The following KAT6B variants were observed in gnomAD, a reference collection of about 807,000 sequenced individuals.
KAT6B encodes lysine acetyltransferase 6B.
A neutral mutation model predicts 187.5 loss-of-function variants in KAT6B; 10 were observed. The ratio of observed to expected loss-of-function variants is 0.05; its 90% CI spans 0.03 to 0.09. The LOEUF (loss-of-function observed/expected upper bound fraction) is 0.09. Among genes scored for constraint, KAT6B ranks in the 10% least tolerant of loss-of-function variants. KAT6B has a pLI of 1.00. For synonymous variants in KAT6B, 861 were observed against 926.8 expected, an observed-to-expected ratio of 0.93 and a Z score of 1.29; for missense variants, 1,952 against 2,558.9, an observed-to-expected ratio of 0.76 and a Z score of 5.12.
At chr10:74,927,274 A>G (rs565696746) in intron 3 of KAT6B, among the ~76,000 whole-genome samples, 4 of 152,040 alleles carry the variant, frequency 2.6e-5, no homozygotes, top group Non-Finnish European at 5.9e-5. Flanking sequence ...TAGGAGTCAT[A>G]TCTTTTGACT....
At chr10:74,943,648 C>T (rs533570935) in intron 3 of KAT6B, among the ~76,000 whole-genome samples, 2 of 151,992 alleles carry the variant, frequency 1.3e-5, no homozygotes, top group East Asian at 3.9e-4. Context: ...CAAAAATATA[C>T]TAAAAATGGT....
chr10:74,829,437 A>G (rs1404779088), intron 1 of KAT6B, among the ~76,000 whole-genome samples: 1 of 151,850 alleles, frequency 6.6e-6, no homozygotes, highest in Non-Finnish European at 1.5e-5. Flanking sequence ...CTACATTTGT[A>G]CTGAGAGAAA....
At chr10:74,828,191 G>A (rs1441030310) in intron 1 of KAT6B, among the ~76,000 whole-genome samples, 1 of 152,172 alleles carries the variant, frequency 6.6e-6, no homozygotes, top group Non-Finnish European at 1.5e-5. Flanking sequence ...AGGAGTTTAA[G>A]CCCTGTAATT....
chr10:74,914,121 C>A (rs1847461414), intron 3 of KAT6B, among the ~76,000 whole-genome samples: 2 of 151,230 alleles, frequency 1.3e-5, no homozygotes, highest in African/African-American at 4.9e-5. Flanking sequence ...AGGAGGCAGA[C>A]ATTGCAGTGG....
chr10:74,844,431 T>C (rs1431430545), intron 3 of KAT6B, among the ~76,000 whole-genome samples: 1 of 152,206 alleles, frequency 6.6e-6, no homozygotes, highest in Non-Finnish European at 1.5e-5. Flanking sequence ...ACTCCTGACT[T>C]CAGGTGATCC....
At chr10:74,918,112 G>A (rs969174223) in intron 3 of KAT6B, among the ~76,000 whole-genome samples, 9 of 151,888 alleles carry the variant, frequency 5.9e-5, no homozygotes, top group African/African-American at 2.2e-4. Flanking sequence ...CTGTACTTTT[G>A]GAAAGAAAAA....
intron 2 of KAT6B, among the ~76,000 whole-genome samples, chr10:74,839,646 G>A (rs537064794): frequency 6.6e-6 from 1 of 152,192 alleles, no homozygotes. Flanking sequence ...GTTGTATTTT[G>A]TGCAATCAAA....
At chr10:74,874,455 C>T (rs891284114) in intron 3 of KAT6B, among the ~76,000 whole-genome samples, 1 of 152,124 alleles carries the variant, frequency 6.6e-6, no homozygotes, top group African/African-American at 2.4e-5. Context: ...TCTCGGCACA[C>T]TGCAACCTCT....
chr10:74,957,933 G>T (rs1156696595), intron 3 of KAT6B, among the ~76,000 whole-genome samples: 2 of 152,142 alleles, frequency 1.3e-5, no homozygotes, highest in African/African-American at 4.8e-5. Flanking sequence ...GTCTCTTTTC[G>T]TTTTTCTAGT....
At chr10:74,902,960 T>C (rs1846504193) in intron 3 of KAT6B, among the ~76,000 whole-genome samples, 1 of 152,224 alleles carries the variant, frequency 6.6e-6, no homozygotes. Flanking sequence ...TTTATGAAAC[T>C]TGATTTCTGT....
At chr10:74,900,991 T>C (rs530788727) in intron 3 of KAT6B, among the ~76,000 whole-genome samples, 1 of 152,122 alleles carries the variant, frequency 6.6e-6, no homozygotes, top group Non-Finnish European at 1.5e-5. Flanking sequence ...TCCTTTGAAA[T>C]GTTTATATAT....
At chr10:74,974,167 C>G (rs925436799) in intron 7 of KAT6B, among the ~76,000 whole-genome samples, 1 of 152,196 alleles carries the variant, frequency 6.6e-6, no homozygotes, top group Admixed American at 6.5e-5. Flanking sequence ...CTAGAGATCT[C>G]TAGCGTTCAC....
chr10:74,994,855 C>T (rs1482512561), intron 13 of KAT6B, among the ~76,000 whole-genome samples: 2 of 151,876 alleles, frequency 1.3e-5, no homozygotes, highest in African/African-American at 4.8e-5. Context: ...TTAAATGTGC[C>T]CATTGCTGCT....
At chr10:74,938,847 G>T (rs138398031) in intron 3 of KAT6B, among the ~76,000 whole-genome samples, 1 of 151,636 alleles carries the variant, frequency 6.6e-6, no homozygotes, top group African/African-American at 2.4e-5. Context: ...AGCAATTCTC[G>T]TGCCTCAGCC....
At chr10:74,963,517 T>A (rs1841245306) in intron 4 of KAT6B, among the ~76,000 whole-genome samples, 1 of 152,084 alleles carries the variant, frequency 6.6e-6, no homozygotes, top group Non-Finnish European at 1.5e-5. Flanking sequence ...AGAAATCCCT[T>A]TTGTACAATA....
chr10:75,014,197 G>A (rs1201400482), intron 13 of KAT6B, among the ~76,000 whole-genome samples: 1 of 152,156 alleles, frequency 6.6e-6, no homozygotes, highest in Non-Finnish European at 1.5e-5. Flanking sequence ...CTAGCAAGCT[G>A]GGTGCAGTGG....
At chr10:74,988,871 G>T in intron 12 of KAT6B, 148 bp from the exon 13 acceptor site, 149 of 685,986 alleles carry the variant, frequency 2.2e-4, no homozygotes, top group Middle Eastern at 6.3e-4. Context: ...TAGTTTGATT[G>T]ATTAATATAG....
chr10:74,931,314 C>T (rs1400218819), intron 3 of KAT6B, among the ~76,000 whole-genome samples: 1 of 152,154 alleles, frequency 6.6e-6, no homozygotes, highest in African/African-American at 2.4e-5. Context: ...CCTCCCCTTT[C>T]CACCCGTGTC....
At chr10:74,905,457 C>G (rs1052996969) in intron 3 of KAT6B, among the ~76,000 whole-genome samples, 2 of 152,192 alleles carry the variant, frequency 1.3e-5, no homozygotes, top group Non-Finnish European at 2.9e-5. Flanking sequence ...CAGCTGTTGC[C>G]TCTCAGCTGA....
Sources: gnomAD v4.1 joint callset for allele counts (sites outside exome capture counted in the v4.1 genomes callset) on GRCh38, gnomAD v4.1.1 for gene constraint, MANE v1.5 for transcripts, NCBI Gene and HGNC (gene_info 2026-07-23, HGNC 2026-07-21) for gene names.